The following SGIP1 variants were observed in gnomAD, a reference collection of about 807,000 sequenced individuals.
SGIP1 encodes the protein SH3GL interacting endocytic adaptor 1.
A neutral mutation model predicts 107.5 loss-of-function variants in SGIP1; 38 were observed. That is an observed-to-expected ratio of 0.35 (90% CI 0.27 to 0.46). SGIP1 has a LOEUF of 0.46. Among genes scored for constraint, SGIP1 ranks in the 20% least tolerant of loss-of-function variants. The pLI, the probability that SGIP1 is intolerant of heterozygous loss-of-function variation, is 1.00. For synonymous variants in SGIP1, 365 were observed against 366.1 expected (o/e 1.00, Z 0.03); for missense variants, 929 against 1,019.5 (o/e 0.91, Z 1.21).
intron 12 of SGIP1, among the ~76,000 whole-genome samples, chr1:66,676,404 A>G (rs910375092): frequency 6.6e-6 from 1 of 152,240 alleles, no homozygotes; most frequent in Admixed American, 6.5e-5. Context: ...TGTTAAATTC[A>G]GTGTCCTTAG....
chr1:66,615,425 A>G (rs2069033149), intron 1 of SGIP1, among the ~76,000 whole-genome samples: 1 of 152,158 alleles, frequency 6.6e-6, no homozygotes, highest in African/African-American at 2.4e-5. Flanking sequence ...GAGCCACTGC[A>G]CATGTCCACC....
intron 1 of SGIP1, among the ~76,000 whole-genome samples, chr1:66,535,350 A>G (rs2053349220): frequency 6.6e-6 from 1 of 152,238 alleles, no homozygotes; most frequent in Non-Finnish European, 1.5e-5. Context: ...ACAATGCAGA[A>G]TTGAGTGCAT....
intron 21 of SGIP1, 24 bp downstream of exon 21, chr1:66,733,904 A>G (rs748712183): frequency 1.9e-6 from 3 of 1,604,772 alleles, no homozygotes; most frequent in Middle Eastern, 1.7e-4. Flanking sequence ...CATGATCGGT[A>G]TCTCTTCCAC....
intron 1 of SGIP1, among the ~76,000 whole-genome samples, chr1:66,594,037 G>C (rs925118509): frequency 2.6e-5 from 4 of 152,106 alleles, no homozygotes; most frequent in African/African-American, 7.2e-5. Context: ...CCAATAACAA[G>C]AGTGTGTTTT....
chr1:66,687,233 T>A (rs973096872), intron 15 of SGIP1, among the ~76,000 whole-genome samples: 1 of 152,070 alleles, frequency 6.6e-6, no homozygotes, highest in Non-Finnish European at 1.5e-5. Flanking sequence ...CAGATAGACA[T>A]TTTGGACCTT....
intron 1 of SGIP1, among the ~76,000 whole-genome samples, chr1:66,600,327 A>G (rs1410086207): frequency 6.7e-6 from 1 of 150,308 alleles, no homozygotes; most frequent in Non-Finnish European, 1.5e-5. Context: ...CCATTCTGCT[A>G]GAAACTAGGG....
chr1:66,682,291 C>T lies in SGIP1; in HGVS notation c.1237C>T (p.Pro413Ser). ...GTTGGGACAAAGAGCAACTCCACCT[C>T]CCCCACCACCACCCACCTACAGGAC... Reference protein sequence around the residue: ...FGLGQRATPPPPPPPTYRTVV... With the variant: ...FGLGQRATPPSPPPPTYRTVV... Residue 413 changes from proline (P) to serine (S), a missense_variant, in exon 15 of 25, where the codon CCC becomes TCC. Pro to Ser is a moderately conservative substitution (Grantham distance 74). This residue lies in a region of SGIP1 where 588 missense variants were observed against 588.6 expected (regional missense o/e 1.00). Transcript: ENST00000371037. The T allele has an allele frequency of 1.2e-6, 2 of 1,614,224 alleles. No homozygotes were observed. The highest frequency in any genetic ancestry group is 1.7e-6 in the Non-Finnish European group (2 of 1,180,032).
intron 1 of SGIP1, among the ~76,000 whole-genome samples, chr1:66,552,261 G>A (rs1477276103): frequency 1.3e-5 from 2 of 152,126 alleles, no homozygotes; most frequent in Non-Finnish European, 2.9e-5. Flanking sequence ...TCTTGGACAT[G>A]CCCACTTTGT....
At chr1:66,620,048 G>A (rs1232740646) in intron 1 of SGIP1, among the ~76,000 whole-genome samples, 5 of 152,034 alleles carry the variant, frequency 3.3e-5, no homozygotes, top group Non-Finnish European at 1.5e-5. Context: ...TTTAAAAGTG[G>A]CTCAAATTCA....
chr1:66,534,043 G>C, upstream of SGIP1: 1 of 467,986 alleles, frequency 2.1e-6, no homozygotes, highest in Non-Finnish European at 3.8e-6. Context: ...ATTGTGTCAG[G>C]AGATGCAGGC....
At chr1:66,624,231 A>T (rs2072014344) in intron 1 of SGIP1, among the ~76,000 whole-genome samples, 1 of 152,208 alleles carries the variant, frequency 6.6e-6, no homozygotes, top group African/African-American at 2.4e-5. Flanking sequence ...CTTGAAAACC[A>T]AGGAAAATAG....
intron 3 of SGIP1, chr1:66,633,936 C>A: frequency 1.5e-6 from 1 of 650,068 alleles, no homozygotes; most frequent in Non-Finnish European, 2.6e-6. Flanking sequence ...GCAGCTATAG[C>A]AGGAATTTTC....
intron 13 of SGIP1, among the ~76,000 whole-genome samples, chr1:66,678,987 A>G (rs2086012874): frequency 1.3e-5 from 2 of 152,216 alleles, no homozygotes; most frequent in African/African-American, 2.4e-5. Context: ...TGAAACAGTA[A>G]TTCCAAACTT....
chr1:66,713,645 T>C (rs867479720), intron 18 of SGIP1, among the ~76,000 whole-genome samples: 3 of 152,006 alleles, frequency 2.0e-5, no homozygotes, highest in Non-Finnish European at 2.9e-5. Flanking sequence ...TCCCCTTTTA[T>C]ACAATAAACT....
chr1:66,586,705 A>G (rs1479290290), intron 1 of SGIP1, among the ~76,000 whole-genome samples: 1 of 152,128 alleles, frequency 6.6e-6, no homozygotes, highest in East Asian at 1.9e-4. Context: ...ACAACCAAAA[A>G]TAATTTATAA....
At chr1:66,640,901 C>T (rs55778510) in intron 5 of SGIP1, among the ~76,000 whole-genome samples, 42,562 of 151,836 alleles carry the variant, frequency 0.28, 6,082 homozygotes, top group African/African-American at 0.3. Flanking sequence ...CTTGCTTATA[C>T]GCAGAATCTA....
chr1:66,583,428 G>A (rs1022214870), intron 1 of SGIP1, among the ~76,000 whole-genome samples: 1 of 152,028 alleles, frequency 6.6e-6, no homozygotes, highest in Non-Finnish European at 1.5e-5. Flanking sequence ...TTGCTCTTAC[G>A]CACTTTCGTT....
intron 18 of SGIP1, among the ~76,000 whole-genome samples, chr1:66,717,299 C>T (rs1217679715): frequency 6.6e-6 from 1 of 152,148 alleles, no homozygotes; most frequent in Admixed American, 6.6e-5. Flanking sequence ...GCTCAATAAA[C>T]ATTTGAATTA....
At position 66,749,431 on chromosome 1, in the gene SGIP1, C is replaced by A. The variant is rs974345281; in HGVS notation, c.*6336C>A. Reference sequence around the variant, plus strand: ...TGAGATTCTATACTCTTTTAATGAGCATTTCATAGGGTTTTTTTTTTGCTG... The same window carrying A: ...TGAGATTCTATACTCTTTTAATGAGAATTTCATAGGGTTTTTTTTTTGCTG... On this transcript the variant is annotated 3_prime_UTR_variant, in exon 25 of 25. Coordinates refer to ENST00000371037, the MANE Select transcript of SGIP1 (RefSeq NM_032291.4). Among the ~76,000 whole-genome samples the A allele has an allele frequency of 6.8e-6, 1 of 147,368 alleles. No individual in the cohort carries two copies. The highest frequency in any genetic ancestry group is 1.5e-5 in the Non-Finnish European group (1 of 66,814).
Sources: allele counts gnomAD v4.1 joint callset (sites outside exome capture counted in the v4.1 genomes callset), GRCh38; gene constraint gnomAD v4.1.1; regional missense constraint gnomAD v4.1.1; transcripts MANE v1.5; gene names NCBI Gene and HGNC (gene_info 2026-07-23, HGNC 2026-07-21).